The following MRPS15 variants were observed in gnomAD, a reference collection of about 807,000 sequenced individuals.
MRPS15 encodes small ribosomal subunit protein uS15m.
MRPS15 carries 25 observed loss-of-function variants against 30.7 expected under a neutral mutation model. The ratio of observed to expected loss-of-function variants is 0.81; its 90% CI spans 0.59 to 1.14. The LOEUF (loss-of-function observed/expected upper bound fraction) is 1.14, where lower values mean the gene tolerates loss of function less well. MRPS15 is among the 50% of genes most tolerant of loss of function. MRPS15 has a pLI of 0.00. For missense variants in MRPS15, 313 were observed against 321.7 expected (o/e 0.97, Z 0.21); for synonymous variants, 124 against 120.1 (o/e 1.03, Z -0.21).
At chr1:36,461,369 G>A in intron 3 of MRPS15, 57 bp from the exon 4 acceptor site, 4 of 1,502,414 alleles carry the variant, frequency 2.7e-6, no homozygotes, top group South Asian at 1.1e-5. Context: ...GGAAAGCAAT[G>A]CTGGTTTCAT....
In MRPS15 at chr1:36,464,053, C is replaced by A. The variant is rs547370098; in HGVS notation, c.130+93G>T. ...CGCCCTTTCCCCCTTATCCTGACCG[C>A]TGTATATCTCCCCTACTCCTGTGCT... On this transcript the variant is annotated intron_variant, in intron 1 of 7. Transcript: ENST00000373116. 279 of 1,292,124 alleles carry A rather than the reference C, an allele frequency of 2.2e-4. 6 individuals carry two copies. In the South Asian group the frequency reaches 3.7e-3, roughly 17 times the overall value. The allele number at this position is 1,292,124 out of a possible 1,614,324, so 80.0% of individuals were successfully genotyped here. A position where few individuals can be genotyped will look rare whatever the true frequency, so the allele number is the denominator to read the frequency against.
Position 36,460,678 on chromosome 1 carries a change from G to T in MRPS15, c.385+14C>A. On this transcript the variant is annotated intron_variant, in intron 5 of 7. Transcript: ENST00000373116. ...CTTCCCTACACCCCCACTCCCCAAGGGTCCCCGACCAACTTCGAGCCTCCA... is the reference window on the plus strand; with the variant it reads ...CTTCCCTACACCCCCACTCCCCAAGTGTCCCCGACCAACTTCGAGCCTCCA... The T allele has an allele frequency of 3.1e-6, 5 of 1,611,330 alleles. No homozygotes were observed. Among genetic ancestry groups the T allele is most frequent in the Non-Finnish European group, 4.2e-6 (5 of 1,177,548 alleles).
intron 6 of MRPS15, 70 bp from the exon 7 acceptor site, chr1:36,456,448 C>T: frequency 7.5e-7 from 1 of 1,327,438 alleles, no homozygotes; most frequent in Non-Finnish European, 1.0e-6. Context: ...AAACAATGGT[C>T]ATTTTATCAT....
intron 5 of MRPS15, among the ~76,000 whole-genome samples, chr1:36,459,988 C>T (rs537073419): frequency 6.6e-6 from 1 of 152,262 alleles, no homozygotes; most frequent in Non-Finnish European, 1.5e-5. Flanking sequence ...GTCTGTCTGG[C>T]ACAAGAGGGT....
chr1:36,457,382 A>G (rs745848424), intron 6 of MRPS15, among the ~76,000 whole-genome samples: 2 of 152,140 alleles, frequency 1.3e-5, no homozygotes, highest in Non-Finnish European at 2.9e-5. Flanking sequence ...GAATAACTTA[A>G]TCATTCCATG....
At position 36,456,553 on chromosome 1, in the gene MRPS15, A is replaced by G. The variant is rs1466966103; in HGVS notation, c.445-175T>C. On this transcript the variant is annotated intron_variant, in intron 6 of 7. Transcript: ENST00000373116. The stretch of plus-strand genomic sequence containing the variant: ...TTCCCATTTTACAGATGAGAAAACA[A>G]AGGTTTAAAGATGTTATCTGATTCA... 4.6e-6 allele frequency: 3 copies of G among 655,630 alleles called. No individual in the cohort carries two copies. In the African/African-American group the frequency reaches 5.5e-5, roughly 12 times the overall value. 40.6% of individuals were successfully genotyped at this position (655,630 alleles called of 1,614,324 possible).
chr1:36,463,784 G>A, intron 2 of MRPS15, 22 bp downstream of exon 2: 4 of 1,608,030 alleles, frequency 2.5e-6, no homozygotes, highest in Middle Eastern at 1.7e-4. Flanking sequence ...TCCGCCCCAA[G>A]TCCCACCTTA....
chr1:36,460,800 A>C (rs1650081827), intron 4 of MRPS15, 24 bp from the exon 5 acceptor site: 1 of 1,596,658 alleles, frequency 6.3e-7, no homozygotes, highest in South Asian at 1.1e-5. Flanking sequence ...AGACAGAGAA[A>C]ATCTGTGGAG....
In MRPS15 at chr1:36,464,287, A is replaced by G; in HGVS notation, c.-12T>C. The G allele has an allele frequency of 6.3e-7, 1 of 1,594,722 alleles. No individual in the cohort carries two copies. ...GCGACCCTCAGCATGGTGACCTCTA[A>G]CCCCCGCGGGGCCCGCGCCGCGGCC... On this transcript the variant is annotated 5_prime_UTR_variant, in exon 1 of 8. Coordinates refer to ENST00000373116, the MANE Select transcript of MRPS15 (RefSeq NM_031280.4).
chr1:36,455,770 G>A lies in MRPS15; in HGVS notation c.*18C>T. 1 of 1,611,394 alleles carries A rather than the reference G, an allele frequency of 6.2e-7. No homozygotes were observed. The stretch of plus-strand genomic sequence containing the variant: ...CTCCTATCATTCTTCAAGACAGAAA[G>A]AAATGATTGAACAGAATTTATTGGC... On this transcript the variant is annotated 3_prime_UTR_variant, in exon 8 of 8. Coordinates refer to ENST00000373116, the MANE Select transcript of MRPS15 (RefSeq NM_031280.4).
intron 1 of MRPS15, 35 bp downstream of exon 1, chr1:36,464,111 C>T (rs374423127): frequency 1.9e-6 from 3 of 1,606,202 alleles, no homozygotes; most frequent in East Asian, 4.5e-5. Context: ...AACCCTGTTT[C>T]CCTACGCCCG....
chr1:36,464,345 T>G lies in MRPS15; in HGVS notation c.-70A>C. On this transcript the variant is annotated 5_prime_UTR_variant, in exon 1 of 8. The change abolishes an upstream ATG in the 5' untranslated region. Transcript: ENST00000373116. ...GCTTTGCGGCACGGACCGGGTTACATGGGCGCCGCCATGCTGGCCCAGGAT... is the reference window on the plus strand; with the variant it reads ...GCTTTGCGGCACGGACCGGGTTACAGGGGCGCCGCCATGCTGGCCCAGGAT... 1.3e-6 allele frequency: 2 copies of G among 1,558,216 alleles called. No homozygotes were observed. The highest frequency in any genetic ancestry group is 1.2e-5 in the South Asian group (1 of 84,436).
intron 4 of MRPS15, 123 bp downstream of exon 4, chr1:36,461,141 C>T: frequency 1.1e-6 from 1 of 937,108 alleles, no homozygotes; most frequent in South Asian, 1.4e-5. Context: ...CAAATGGAGG[C>T]AGAATGACAG....
At position 36,456,177 on chromosome 1, in the gene MRPS15, T is replaced by C; in HGVS notation, c.636+10A>G. The C allele has an allele frequency of 2.5e-6, 4 of 1,596,296 alleles. No individual in the cohort carries two copies. The highest frequency in any genetic ancestry group is 3.4e-6 in the Non-Finnish European group (4 of 1,169,886). ...GTGGGGCCAAGCAAAGCCGCAATTC[T>C]GACTCGTACCCGAATGCACAGAGCC... On this transcript the variant is annotated intron_variant, in intron 7 of 7. Transcript: ENST00000373116.
rs571667709 is a variant in MRPS15 at position 36,464,098 on chromosome 1, C to G, written c.130+48G>C. 28 of 1,429,930 alleles carry G rather than the reference C, an allele frequency of 2.0e-5. No homozygotes were observed. In the South Asian group the frequency reaches 3.1e-4, roughly 16 times the overall value. 88.6% of individuals were successfully genotyped at this position (1,429,930 alleles called of 1,614,324 possible). A position where few individuals can be genotyped will look rare whatever the true frequency, so the allele number is the denominator to read the frequency against. Reference sequence around the variant, plus strand: ...TGTGCTTCCTTATTCCCTATCTTCGCCGAACCCTGTTTCCCTACGCCCGCC... The same window carrying G: ...TGTGCTTCCTTATTCCCTATCTTCGGCGAACCCTGTTTCCCTACGCCCGCC... On this transcript the variant is annotated intron_variant, in intron 1 of 7. Coordinates refer to ENST00000373116, the MANE Select transcript of MRPS15 (RefSeq NM_031280.4).
Position 36,456,246 on chromosome 1 carries a change from G to C in MRPS15, c.577C>G (p.Pro193Ala), listed in dbSNP as rs201522148. The change falls in exon 7 of 8, where the codon CCT becomes GCT. Residue 193 changes from proline to alanine, a missense_variant. By Grantham distance (27) the Pro-to-Ala change is conservative. Transcript: ENST00000373116. ...CGGTGGGCTCTTCGGTAATACAGAG[G>C]GGGGAAGGTGTACTCAATTCCCAGC... ...WGLGIEYTFP[P>A]LYYRRAHRRF... 2.6e-3 allele frequency: 4,275 copies of C among 1,613,950 alleles called. 125 individuals are homozygous for C. The South Asian group carries it at 0.044, about 17-fold the overall frequency.
chr1:36,458,296 T>A lies in MRPS15; in HGVS notation c.386-315A>T. 1 of 232,970 alleles carries A rather than the reference T, an allele frequency of 4.3e-6. No homozygotes were observed. Among genetic ancestry groups the A allele is most frequent in the Non-Finnish European group, 8.5e-6 (1 of 117,802 alleles). 14.4% of individuals were successfully genotyped at this position (232,970 alleles called of 1,614,324 possible). ...CAGGCTGGAGTGCAGTGGTGCGATC[T>A]CGGCTCACCGCAGCCTCTGCCTCCC... On this transcript the variant is annotated intron_variant, in intron 5 of 7. Transcript: ENST00000373116. The surrounding 1 kb of genome is among the most constrained non-coding windows in gnomAD (Gnocchi z 4.5).
chr1:36,457,688 A>G (rs1650020012), intron 6 of MRPS15, among the ~76,000 whole-genome samples: 1 of 152,136 alleles, frequency 6.6e-6, no homozygotes, highest in Non-Finnish European at 1.5e-5. Context: ...GCATTCAACA[A>G]ATATTTACTG....
chr1:36,462,011 A>T, intron 3 of MRPS15, 77 bp downstream of exon 3: 1 of 1,291,104 alleles, frequency 7.7e-7, no homozygotes, highest in African/African-American at 1.5e-5. Flanking sequence ...CCAAGTCTCA[A>T]AGCCACTGTC....
Sources: allele counts gnomAD v4.1 joint callset (sites outside exome capture counted in the v4.1 genomes callset), GRCh38; gene constraint gnomAD v4.1.1; non-coding constraint Gnocchi (gnomAD v3.1); transcripts MANE v1.5; gene names NCBI Gene and HGNC (gene_info 2026-07-23, HGNC 2026-07-21).